The following GOLGB1 variants were observed in gnomAD, a reference collection of about 807,000 sequenced individuals.
The protein encoded by GOLGB1 is golgin B1.
GOLGB1 carries 174 observed loss-of-function variants against 336.9 expected under a neutral mutation model. That is an observed-to-expected ratio of 0.52 (90% confidence interval 0.46 to 0.59). The LOEUF (loss-of-function observed/expected upper bound fraction) is 0.59, where lower values mean the gene tolerates loss of function less well. Ranked by LOEUF, GOLGB1 falls within the 20% of genes least tolerant of loss-of-function variation. GOLGB1 has a pLI of 0.00. For missense variants in GOLGB1, 3,331 were observed against 3,645.3 expected (o/e 0.91, Z 2.22); for synonymous variants, 1,208 against 1,289.2 (o/e 0.94, Z 1.35).
rs747369952 is a variant in GOLGB1 at position 121,730,013 on chromosome 3, A to AGG, written c.100_101insCC (p.Leu34SerfsTer32). ...AAATTCCATGTCAGATTCTTGGTGT[A>AGG]ATTCCTAATATTTAGGAAAAAAGTT... On this transcript the variant is annotated frameshift_variant, in exon 3 of 22. Transcript: ENST00000614479. LOFTEE classifies it high-confidence loss of function. The AGG allele has an allele frequency of 4.4e-6, 7 of 1,608,264 alleles. No individual in the cohort carries two copies. Among genetic ancestry groups the AGG allele is most frequent in the Non-Finnish European group, 1.7e-6 (2 of 1,177,370 alleles).
rs766704089 is a variant in GOLGB1, at chr3:121,726,956, A to G, written c.488T>C (p.Leu163Ser). Reference protein sequence around the residue: ...LQEKEELISTLQAQLTQAQAE... With the variant: ...LQEKEELISTSQAQLTQAQAE... ...CTGTGCCTGAGTAAGCTGGGCTTGC[A>G]AAGTGCTGATTAGTTCCTCCTTCTC... The change falls in exon 5 of 22, where the codon TTG becomes TCG. Residue 163 changes from leucine (L) to serine (S), a missense_variant. Physicochemically the swap from Leu to Ser is moderately radical, Grantham distance 145 (BLOSUM62 -2). Coordinates refer to ENST00000614479, the MANE Select transcript of GOLGB1 (RefSeq NM_001366282.2). 63 of 1,604,428 alleles carry G rather than the reference A, an allele frequency of 3.9e-5. No individual in the cohort carries two copies. Among genetic ancestry groups the G allele is most frequent in the Non-Finnish European group, 4.0e-5 (47 of 1,174,140 alleles).
chr3:121,687,262 A>G (rs1239616245), intron 14 of GOLGB1, among the ~76,000 whole-genome samples: 2 of 152,224 alleles, frequency 1.3e-5, no homozygotes, highest in African/African-American at 4.8e-5. Flanking sequence ...ACTCCATCTC[A>G]AAAAACAAAC....
chr3:121,732,511 AAAGAT>A (rs1170873690), intron 1 of GOLGB1, among the ~76,000 whole-genome samples: 1 of 152,216 alleles, frequency 6.6e-6, no homozygotes, highest in Non-Finnish European at 1.5e-5. Flanking sequence ...TAATATATAA[AAAGAT>A]AATACATCAC....
intron 10 of GOLGB1, among the ~76,000 whole-genome samples, chr3:121,706,826 A>C (rs1943898224): frequency 6.6e-6 from 1 of 151,872 alleles, no homozygotes. Context: ...ATGAAAGAAA[A>C]AAAAACTTTC....
chr3:121,690,781 T>A lies in GOLGB1; in HGVS notation c.8583A>T (p.Arg2861=). Reference sequence around the variant, plus strand: ...ACCTCTGCTTCCCTTCCTCTGACTTTCGAAATTTCTCCAGCTCATTCCACA... The same window carrying A: ...ACCTCTGCTTCCCTTCCTCTGACTTACGAAATTTCTCCAGCTCATTCCACA... ...DHLWNELEKF[R]KSEEGKQRSA... The change falls in exon 14 of 22, where the codon CGA becomes CGT. Residue 2861 remains arginine, a synonymous_variant. Transcript: ENST00000614479. 1.9e-6 allele frequency: 3 copies of A among 1,596,830 alleles called. No homozygotes were observed. In the East Asian group the frequency reaches 6.7e-5, roughly 36 times the overall value.
intron 4 of GOLGB1, among the ~76,000 whole-genome samples, chr3:121,727,964 C>T (rs1277994981): frequency 2.0e-5 from 3 of 152,066 alleles, no homozygotes; most frequent in South Asian, 2.1e-4. Flanking sequence ...AACTCTAAGA[C>T]ATTACTGCTT....
chr3:121,683,339 G>T (rs972629367), intron 14 of GOLGB1, among the ~76,000 whole-genome samples: 1 of 152,048 alleles, frequency 6.6e-6, no homozygotes, highest in African/African-American at 2.4e-5. Context: ...ACAAGTAAGG[G>T]TATTGTTCCA....
Position 121,696,337 on chromosome 3 carries a change from G to T in GOLGB1, c.4186C>A (p.Gln1396Lys). The T allele has an allele frequency of 6.2e-7, 1 of 1,614,122 alleles. No homozygotes were observed. Among genetic ancestry groups the T allele is most frequent in the South Asian group, 1.1e-5 (1 of 91,086 alleles). The change falls in exon 13 of 22, where the codon CAA becomes AAA. Residue 1396 changes from glutamine (Q) to lysine (K), a missense_variant. By Grantham distance (53) the Gln-to-Lys change is moderately conservative. Coordinates refer to ENST00000614479, the MANE Select transcript of GOLGB1 (RefSeq NM_001366282.2). ...TTTTGCAGTTCATCCAGTTTAGGTT[G>T]CAATTCTCTTAGATGTTCTAGGCCA... ...IAGLEHLREL[Q>K]PKLDELQKLI...
In GOLGB1 at chr3:121,692,068, T is replaced by C; in HGVS notation, c.7296A>G (p.Leu2432=). 6.2e-7 allele frequency: 1 copy of C among 1,613,364 alleles called. No homozygotes were observed. Among genetic ancestry groups the C allele is most frequent in the Non-Finnish European group, 8.5e-7 (1 of 1,179,748 alleles). ...LSQEEEENIV[L]EEENKKAVDK... ...CAACAGCCTTTTTGTTCTCCTCTTCTAAAACAATATTCTCCTCTTCCTCCT... is the reference window on the plus strand; with the variant it reads ...CAACAGCCTTTTTGTTCTCCTCTTCCAAAACAATATTCTCCTCTTCCTCCT... Residue 2432 remains leucine, a synonymous_variant, in exon 14 of 22, where the codon TTA becomes TTG. Transcript: ENST00000614479.
At position 121,691,105 on chromosome 3, in the gene GOLGB1, A is replaced by G. The variant is rs756966954; in HGVS notation, c.8259T>C (p.Asp2753=). The G allele has an allele frequency of 6.2e-7, 1 of 1,614,008 alleles. No individual in the cohort carries two copies. The highest frequency in any genetic ancestry group is 2.2e-5 in the East Asian group (1 of 44,884). The part of the protein sequence containing the change: ...RSMSSLQNSR[D]HANEELDELK... ...GTTCATCAAGTTCCTCATTGGCATGATCTCTACTATTTTGCAAGGAACTCA... is the reference window on the plus strand; with the variant it reads ...GTTCATCAAGTTCCTCATTGGCATGGTCTCTACTATTTTGCAAGGAACTCA... The change falls in exon 14 of 22, where the codon GAT becomes GAC. Residue 2753 remains aspartate, a synonymous_variant. Transcript: ENST00000614479.
chr3:121,717,583 T>C (rs1271823299), intron 8 of GOLGB1, among the ~76,000 whole-genome samples: 1 of 151,990 alleles, frequency 6.6e-6, no homozygotes, highest in African/African-American at 2.4e-5. Context: ...AGAAAGAAAA[T>C]GGCAGGATGG....
At position 121,703,237 on chromosome 3, in the gene GOLGB1, A is replaced by G. The variant is rs536023547; in HGVS notation, c.1405-642T>C. Among the ~76,000 whole-genome samples, 11 of 152,320 alleles carry G rather than the reference A, an allele frequency of 7.2e-5. No individual in the cohort carries two copies. In the South Asian group the frequency reaches 2.3e-3, roughly 32 times the overall value. ...TTTTCATACAATTGTAGAATTTTTA[A>G]GCCATGAGGGTCTTTACAGCATATT... On this transcript the variant is annotated intron_variant, in intron 10 of 21. Transcript: ENST00000614479.
At chr3:121,734,648 C>T (rs1946360472) in intron 1 of GOLGB1, among the ~76,000 whole-genome samples, 1 of 152,060 alleles carries the variant, frequency 6.6e-6, no homozygotes, top group South Asian at 2.1e-4. Flanking sequence ...TCATTAAAAG[C>T]AAAATGAAAT....
chr3:121,687,085 C>T (rs1216016659), intron 14 of GOLGB1, among the ~76,000 whole-genome samples: 4 of 152,084 alleles, frequency 2.6e-5, no homozygotes, highest in Admixed American at 6.6e-5. Context: ...CCAGCCTGGC[C>T]AATATGGTGA....
chr3:121,716,622 C>T (rs1233653303), intron 9 of GOLGB1, 115 bp downstream of exon 9: 4 of 820,192 alleles, frequency 4.9e-6, no homozygotes, highest in Non-Finnish European at 7.6e-6. Flanking sequence ...TTTCTCAGTC[C>T]TTCTATTGGT....
In GOLGB1 at chr3:121,731,046, C is replaced by T. The variant is rs550307944; in HGVS notation, c.-2-73G>A. The T allele has an allele frequency of 1.6e-5, 23 of 1,420,984 alleles. No individual in the cohort carries two copies. The African/African-American group carries it at 3.1e-4, about 19-fold the overall frequency. The allele number at this position is 1,420,984 out of a possible 1,614,324, so 88.0% of individuals were successfully genotyped here. A position where few individuals can be genotyped will look rare whatever the true frequency, so the allele number is the denominator to read the frequency against. On this transcript the variant is annotated intron_variant, in intron 1 of 21. Coordinates refer to ENST00000614479, the MANE Select transcript of GOLGB1 (RefSeq NM_001366282.2). Reference sequence around the variant, plus strand: ...CATAGGCTTCTCCTATATTGATAACCATATCATCCGTGAATGAAAAAAGAA... The same window carrying T: ...CATAGGCTTCTCCTATATTGATAACTATATCATCCGTGAATGAAAAAAGAA...
rs1944842723 is a variant in GOLGB1 at position 121,717,089 on chromosome 3, C to G, written c.936G>C (p.Arg312Ser). Residue 312 changes from arginine to serine, a missense_variant, in exon 9 of 22, where the codon AGG becomes AGC. Arg to Ser is a moderately radical substitution (Grantham distance 110). Transcript: ENST00000614479. The part of the protein sequence containing the change: ...QQMEAEHNTL[R>S]NTVETEREES... ...CCTCTCTTTCTGTTTCCACAGTGTT[C>G]CTCAAAGTATTATGCTCAGCTTCCA... The G allele has an allele frequency of 6.2e-7, 1 of 1,612,906 alleles. No homozygotes were observed. Among genetic ancestry groups the G allele is most frequent in the African/African-American group, 1.3e-5 (1 of 74,886 alleles).
In GOLGB1 at chr3:121,663,911, G is replaced by C. The variant is rs561523234; in HGVS notation, c.*569C>G. Reference sequence around the variant, plus strand: ...GGAAGAAGATGCTGTCCTCCCATGTGATCTAACAGCTAAAACCCCTAGGGA... The same window carrying C: ...GGAAGAAGATGCTGTCCTCCCATGTCATCTAACAGCTAAAACCCCTAGGGA... On this transcript the variant is annotated 3_prime_UTR_variant, in exon 22 of 22. Coordinates refer to ENST00000614479, the MANE Select transcript of GOLGB1 (RefSeq NM_001366282.2). 10 of 154,052 alleles carry C rather than the reference G, an allele frequency of 6.5e-5. No individual in the cohort carries two copies. Among genetic ancestry groups the C allele is most frequent in the Admixed American group, 1.9e-4 (3 of 15,736 alleles). 9.5% of individuals were successfully genotyped at this position (154,052 alleles called of 1,614,324 possible).
chr3:121,663,502 C>T lies in GOLGB1; in HGVS notation c.*978G>A, dbSNP rs1938195494. 1 of 152,142 alleles carries T rather than the reference C, an allele frequency of 6.6e-6. No individual in the cohort carries two copies. Among genetic ancestry groups the T allele is most frequent in the Non-Finnish European group, 1.5e-5 (1 of 68,040 alleles). The allele number at this position is 152,142 out of a possible 1,614,324, so 9.4% of individuals were successfully genotyped here. A position where few individuals can be genotyped will look rare whatever the true frequency, so the allele number is the denominator to read the frequency against. ...CTTCTCTATATTCTCCTTCCATTGCCACAGAGGGCAGAGACAATGGGGCTG... is the reference window on the plus strand; with the variant it reads ...CTTCTCTATATTCTCCTTCCATTGCTACAGAGGGCAGAGACAATGGGGCTG... On this transcript the variant is annotated 3_prime_UTR_variant, in exon 22 of 22. Transcript: ENST00000614479.
Sources: gnomAD v4.1 joint callset for allele counts (sites outside exome capture counted in the v4.1 genomes callset) on GRCh38, gnomAD v4.1.1 for gene constraint, MANE v1.5 for transcripts, NCBI Gene and HGNC (gene_info 2026-07-23, HGNC 2026-07-21) for gene names.